Variants in NMT2 observed in about 807,000 individuals in gnomAD.
NMT2 encodes the protein N-myristoyltransferase 2, also known as glycylpeptide N-tetradecanoyltransferase 2.
NMT2 carries 35 observed loss-of-function variants against 65.4 expected under a neutral mutation model. That is an observed-to-expected ratio of 0.54 (90% CI 0.41 to 0.71). The LOEUF (loss-of-function observed/expected upper bound fraction) is 0.71, where lower values mean the gene tolerates loss of function less well. NMT2 is among the 30% of genes least tolerant of loss of function. The pLI is 0.00. For synonymous variants in NMT2, 226 were observed against 231.8 expected (o/e 0.98, Z 0.23); for missense variants, 489 against 611.3 (o/e 0.80, Z 2.11).
intron 8 of NMT2, among the ~76,000 whole-genome samples, chr10:15,127,562 AAAAAAAAATAAAT>A (rs1846126512): frequency 2.2e-5 from 2 of 90,186 alleles, no homozygotes; most frequent in East Asian, 2.6e-4. Context: ...AAAAAAAAAA[AAAAAAAAATAAAT>A]AAATAAATAA....
At chr10:15,167,608 T>C (rs546716191) in intron 1 of NMT2, among the ~76,000 whole-genome samples, 1 of 152,290 alleles carries the variant, frequency 6.6e-6, no homozygotes, top group South Asian at 2.1e-4. Context: ...AACAGCACTT[T>C]AAAAGGACAC....
Position 15,141,438 on chromosome 10 carries a change from A to AT in NMT2, c.229dup (p.Ile77AsnfsTer36). On this transcript the variant is annotated frameshift_variant, in exon 2 of 12. Transcript: ENST00000378165. LOFTEE classifies it high-confidence loss of function. ...AGCTCTCACTTTCGAAGGCTGCTGA[A>AT]TTTTAATCTCCTGGGAATCAGATGC... The AT allele has an allele frequency of 1.9e-6, 3 of 1,614,176 alleles. No individual in the cohort carries two copies. Among genetic ancestry groups the AT allele is most frequent in the Non-Finnish European group, 2.5e-6 (3 of 1,180,038 alleles).
chr10:15,148,096 A>G (rs1276021293), intron 1 of NMT2, among the ~76,000 whole-genome samples: 1 of 152,216 alleles, frequency 6.6e-6, no homozygotes, highest in Non-Finnish European at 1.5e-5. Flanking sequence ...CATTAAGTAG[A>G]GTTTGACTAC....
Position 15,128,378 on chromosome 10 carries a change from C to G in NMT2, c.971G>C (p.Arg324Thr). The G allele has an allele frequency of 6.2e-7, 1 of 1,606,204 alleles. No homozygotes were observed. The change falls in exon 8 of 12, where the codon AGA (arginine) becomes ACA (threonine). Residue 324 changes from arginine to threonine, a missense_variant. Transcript: ENST00000378165. ...SHLSRNMTLQRTMKLYRLPDV... is the reference protein window; with the variant it reads ...SHLSRNMTLQTTMKLYRLPDV... ...TGGAAGTCTGTATAGCTTCATTGTT[C>G]TCTGTAAAGTCATATTTCTACTCAA...
At chr10:15,150,458 CAT>C (rs1381894871) in intron 1 of NMT2, among the ~76,000 whole-genome samples, 1 of 152,160 alleles carries the variant, frequency 6.6e-6, no homozygotes, top group African/African-American at 2.4e-5. Flanking sequence ...TTCTAGCTGT[CAT>C]CATCTGGCTG....
At position 15,112,833 on chromosome 10, in the gene NMT2, A is replaced by C; in HGVS notation, c.1301T>G (p.Leu434Arg). The change falls in exon 10 of 12, where the codon CTG (leucine) becomes CGG (arginine). Residue 434 changes from leucine (L) to arginine (R), a missense_variant. Leu to Arg is a moderately radical substitution (Grantham distance 102, BLOSUM62 -2). Coordinates refer to ENST00000378165, the MANE Select transcript of NMT2 (RefSeq NM_004808.3). ...FYNIHTETPL[L>R]DLMSDALILA... ...GATGAGCGCGTCGCTCATGAGGTCCAGCAGGGGCGTCTCTGTGTGGATGTT... is the reference window on the plus strand; with the variant it reads ...GATGAGCGCGTCGCTCATGAGGTCCCGCAGGGGCGTCTCTGTGTGGATGTT... 1 of 1,614,086 alleles carries C rather than the reference A, an allele frequency of 6.2e-7. No individual in the cohort carries two copies. Among genetic ancestry groups the C allele is most frequent in the Non-Finnish European group, 8.5e-7 (1 of 1,179,984 alleles).
At chr10:15,142,061 A>T (rs1846792932) in intron 1 of NMT2, among the ~76,000 whole-genome samples, 1 of 152,244 alleles carries the variant, frequency 6.6e-6, no homozygotes, top group South Asian at 2.1e-4. Context: ...GTGTCTAACT[A>T]CAGAGAGAGA....
At chr10:15,131,129 T>C (rs377076726) in intron 6 of NMT2, among the ~76,000 whole-genome samples, 2 of 152,138 alleles carry the variant, frequency 1.3e-5, no homozygotes, top group East Asian at 3.9e-4. Flanking sequence ...AACAAAAATA[T>C]TCTATCACTT....
intron 6 of NMT2, among the ~76,000 whole-genome samples, chr10:15,132,057 G>T (rs1355691760): frequency 1.3e-5 from 2 of 152,052 alleles, no homozygotes; most frequent in African/African-American, 4.8e-5. Context: ...TAGAGATGGG[G>T]TTTCGCCATG....
intron 1 of NMT2, among the ~76,000 whole-genome samples, chr10:15,152,724 A>C (rs188780847): frequency 6.6e-6 from 1 of 152,296 alleles, no homozygotes; most frequent in Non-Finnish European, 1.5e-5. Context: ...CAATAAAGAC[A>C]CTCATCCCCA....
chr10:15,114,379 T>C (rs757173228), intron 9 of NMT2, among the ~76,000 whole-genome samples: 1 of 152,154 alleles, frequency 6.6e-6, no homozygotes. Flanking sequence ...TCACCAACTG[T>C]TGGGGAAGAG....
chr10:15,156,491 G>A (rs1273941156), intron 1 of NMT2, among the ~76,000 whole-genome samples: 2 of 152,092 alleles, frequency 1.3e-5, no homozygotes, highest in South Asian at 2.1e-4. Context: ...AATACGGGGC[G>A]GAGGCTACCA....
rs752071819 is a variant in NMT2 at position 15,130,243 on chromosome 10, T to C, written c.789A>G (p.Pro263=). 3 of 1,609,468 alleles carry C rather than the reference T, an allele frequency of 1.9e-6. No homozygotes were observed. The highest frequency in any genetic ancestry group is 2.5e-6 in the Non-Finnish European group (3 of 1,177,650). Residue 263 remains proline, a synonymous_variant, in exon 7 of 12, where the codon CCA becomes CCG. Transcript: ENST00000378165. ...TTCTAGTGATCTCTCGGATTAGCAC[T>C]GGGGCTACCCGTTTCGATCTCAACT... ...HKKLRSKRVA[P]VLIREITRRV...
chr10:15,140,978 G>A, intron 2 of NMT2: 1 of 1,550,540 alleles, frequency 6.4e-7, no homozygotes, highest in Non-Finnish European at 8.7e-7. Flanking sequence ...AAGTCAACGA[G>A]AGACTTACCC....
intron 1 of NMT2, among the ~76,000 whole-genome samples, chr10:15,149,217 CAT>C (rs1847064493): frequency 6.7e-6 from 1 of 148,864 alleles, no homozygotes; most frequent in African/African-American, 2.5e-5. Context: ...TCATCACCAT[CAT>C]ATCATTACTA....
At chr10:15,166,546 C>A (rs1833383338) in intron 1 of NMT2, among the ~76,000 whole-genome samples, 1 of 152,192 alleles carries the variant, frequency 6.6e-6, no homozygotes, top group South Asian at 2.1e-4. Context: ...AAATTCAAAT[C>A]CAAACAGGCA....
intron 8 of NMT2, among the ~76,000 whole-genome samples, chr10:15,127,560 AAAAAAAAAAAT>A (rs1846125280): frequency 1.1e-5 from 1 of 95,164 alleles, no homozygotes; most frequent in Admixed American, 9.4e-5. Context: ...AAAAAAAAAA[AAAAAAAAAAAT>A]AAATAAATAA....
chr10:15,127,540 C>A (rs1846117259), intron 8 of NMT2, among the ~76,000 whole-genome samples: 1 of 54,090 alleles, frequency 1.8e-5, no homozygotes, highest in Non-Finnish European at 2.8e-5. Flanking sequence ...GAGTGAGACT[C>A]CGTCTCAAAA....
chr10:15,130,105 A>G (rs1397049658), intron 7 of NMT2, 37 bp downstream of exon 7: 5 of 1,396,220 alleles, frequency 3.6e-6, no homozygotes, highest in Non-Finnish European at 4.7e-6. Flanking sequence ...CATTTTTGAT[A>G]AAGGGAGGAC....
Sources: allele counts gnomAD v4.1 joint callset (sites outside exome capture counted in the v4.1 genomes callset), GRCh38; gene constraint gnomAD v4.1.1; transcripts MANE v1.5; gene names NCBI Gene and HGNC (gene_info 2026-07-23, HGNC 2026-07-21).